BLTP1: variants seen among roughly 807,000 people sequenced by gnomAD.
The protein encoded by BLTP1 is fragile site-associated protein.
chr4:122,283,371 T>C, the BLTP1 span, among the ~76,000 whole-genome samples: 1 of 152,226 alleles, frequency 6.6e-6, no homozygotes, highest in Non-Finnish European at 1.5e-5. Flanking sequence ...TCTTAAGTGT[T>C]ATTTTTAATG....
the BLTP1 span, chr4:122,256,249 G>C: frequency 1.2e-6 from 1 of 812,886 alleles, no homozygotes; most frequent in Non-Finnish European, 1.5e-6. Context: ...ATTTGAAAAA[G>C]ACACTTAGAC....
chr4:122,304,901 C>T, the BLTP1 span: 8 of 1,613,932 alleles, frequency 5.0e-6, no homozygotes, highest in Admixed American at 1.7e-5. Context: ...AAAGCTTCAC[C>T]AGGAAGTAGC....
the BLTP1 span, among the ~76,000 whole-genome samples, chr4:122,303,883 A>G: frequency 6.6e-6 from 1 of 152,164 alleles, no homozygotes; most frequent in African/African-American, 2.4e-5. Context: ...TGAAATGACA[A>G]AGGATTTAGA....
chr4:122,353,165 C>T, the BLTP1 span: 2 of 1,611,310 alleles, frequency 1.2e-6, no homozygotes, highest in Non-Finnish European at 1.7e-6. The surrounding 1 kb of genome is among the most constrained non-coding windows in gnomAD (Gnocchi z 4.3). Flanking sequence ...GGTAAACTGA[C>T]ACATTTCCAG....
chr4:122,326,380 G>A, the BLTP1 span, among the ~76,000 whole-genome samples: 2 of 151,784 alleles, frequency 1.3e-5, no homozygotes, highest in East Asian at 1.9e-4. Flanking sequence ...TCAAAACAAT[G>A]TGGAAGAATG....
chr4:122,351,520 G>C, the BLTP1 span, among the ~76,000 whole-genome samples: 4 of 152,098 alleles, frequency 2.6e-5, no homozygotes, highest in Admixed American at 2.6e-4. Flanking sequence ...GTCCAAACCA[G>C]TTTATCCAAT....
the BLTP1 span, chr4:122,169,889 T>C: frequency 3.0e-6 from 3 of 984,844 alleles, no homozygotes; most frequent in East Asian, 1.1e-4. Flanking sequence ...ATAGAGGTGA[T>C]GGAGGGTAAG....
chr4:122,247,124 T>C, the BLTP1 span: 1 of 1,582,704 alleles, frequency 6.3e-7, no homozygotes, highest in African/African-American at 1.4e-5. Context: ...ATTATTTAAA[T>C]GTTAAACATT....
chr4:122,257,619 T>C, the BLTP1 span: 1 of 835,522 alleles, frequency 1.2e-6, no homozygotes, highest in Non-Finnish European at 1.9e-6. Flanking sequence ...AGTAAGTTAA[T>C]ATACCTCTTT....
the BLTP1 span, among the ~76,000 whole-genome samples, chr4:122,270,614 T>A: frequency 2.0e-5 from 3 of 149,780 alleles, no homozygotes; most frequent in African/African-American, 7.4e-5. Context: ...AAAATTATGT[T>A]AAATATGAAT....
chr4:122,178,187 C>G, the BLTP1 span: 2 of 847,878 alleles, frequency 2.4e-6, no homozygotes, highest in African/African-American at 1.8e-5. Context: ...AGACCTATAC[C>G]AGTAGAAATT....
the BLTP1 span, among the ~76,000 whole-genome samples, chr4:122,214,886 A>T: frequency 6.6e-6 from 1 of 152,236 alleles, no homozygotes; most frequent in African/African-American, 2.4e-5. Context: ...TGCTGGGATT[A>T]CAGGCATGAG....
At chr4:122,163,276 T>C in the BLTP1 span, among the ~76,000 whole-genome samples, 1 of 152,184 alleles carries the variant, frequency 6.6e-6, no homozygotes, top group African/African-American at 2.4e-5. Context: ...GTTACCACTG[T>C]GGGCACCTGG....
the BLTP1 span, chr4:122,169,670 T>G: frequency 1.0e-6 from 1 of 965,618 alleles, no homozygotes; most frequent in African/African-American, 1.8e-5. Flanking sequence ...TGTGCATATA[T>G]ACATATACAC....
the BLTP1 span, chr4:122,347,232 T>C: frequency 1.0e-6 from 1 of 984,852 alleles, no homozygotes. Flanking sequence ...TTTTTGGAAA[T>C]GAAAACTAGA....
the BLTP1 span, chr4:122,244,584 A>G: frequency 1.1e-6 from 1 of 888,386 alleles, no homozygotes; most frequent in Non-Finnish European, 1.3e-6. Flanking sequence ...ATGAATAAAA[A>G]TGAGAATGGA....
the BLTP1 span, chr4:122,224,803 A>G: frequency 6.4e-7 from 1 of 1,568,124 alleles, no homozygotes; most frequent in African/African-American, 1.4e-5. Context: ...TTCTGATGGG[A>G]GTCATTCTTG....
the BLTP1 span, among the ~76,000 whole-genome samples, chr4:122,323,018 G>T: frequency 6.6e-6 from 1 of 152,056 alleles, no homozygotes; most frequent in Non-Finnish European, 1.5e-5. Context: ...CTACTGAAAG[G>T]CGATCTCACA....
At chr4:122,189,184 A>G in the BLTP1 span, 5 of 802,130 alleles carry the variant, frequency 6.2e-6, no homozygotes, top group Non-Finnish European at 7.5e-6. Flanking sequence ...AAGTGTGGAG[A>G]TTACATGATG....
Sources: gnomAD v4.1 joint callset for allele counts (sites outside exome capture counted in the v4.1 genomes callset) on GRCh38, gnomAD v4.1.1 for gene constraint, Gnocchi (gnomAD v3.1) non-coding constraint, MANE v1.5 for transcripts, NCBI Gene and HGNC (gene_info 2026-07-23, HGNC 2026-07-21) for gene names.